Variants in VCL observed in about 807,000 individuals in gnomAD.
VCL encodes the protein epididymis luminal protein 114.
In VCL, 47 loss-of-function variants were observed where a neutral mutation model predicts 125.7. That is an observed-to-expected ratio of 0.37 (90% CI 0.30 to 0.48). The LOEUF (loss-of-function observed/expected upper bound fraction) is 0.48. VCL is among the 20% of genes least tolerant of loss of function. The pLI is 0.99. For synonymous variants in VCL, 458 were observed against 514.6 expected (o/e 0.89, Z 1.49); for missense variants, 1,069 against 1,455.5 (o/e 0.73, Z 4.32).
chr10:74,077,969 A>G (rs1839618368), intron 6 of VCL, among the ~76,000 whole-genome samples: 1 of 152,212 alleles, frequency 6.6e-6, no homozygotes, highest in Admixed American at 6.5e-5. Context: ...ATTAAAAATT[A>G]GGTTAGCATT....
chr10:74,113,819 T>C (rs1329727703), intron 19 of VCL, among the ~76,000 whole-genome samples: 1 of 152,192 alleles, frequency 6.6e-6, no homozygotes, highest in African/African-American at 2.4e-5. Flanking sequence ...ATTGATATGA[T>C]TAACCTGGAG....
At chr10:74,001,099 G>T (rs1030618319) in intron 1 of VCL, among the ~76,000 whole-genome samples, 1 of 152,170 alleles carries the variant, frequency 6.6e-6, no homozygotes, top group Non-Finnish European at 1.5e-5. Flanking sequence ...TATCCAAAAG[G>T]ATGAACAAAG....
In VCL at chr10:74,090,111, G is replaced by A; in HGVS notation, c.1265G>A (p.Cys422Tyr). The A allele has an allele frequency of 6.2e-7, 1 of 1,614,210 alleles. No homozygotes were observed. The highest frequency in any genetic ancestry group is 1.1e-5 in the South Asian group (1 of 91,084). Residue 422 changes from cysteine (C) to tyrosine (Y), a missense_variant, in exon 10 of 22, where the codon TGT becomes TAT. By Grantham distance (194) the Cys-to-Tyr change is radical. This residue lies in a region of VCL where 760 missense variants were observed against 928.9 expected (regional missense o/e 0.82). Transcript: ENST00000211998. ...GAAGCTCGGAAAATAGCAGAATTAT[G>A]TGATGATCCTAAAGAAAGAGATGAC... ...LAEARKIAEL[C>Y]DDPKERDDIL... is the part of the protein sequence containing the mutation.
chr10:74,072,032 G>A (rs1443989907), intron 4 of VCL, among the ~76,000 whole-genome samples: 1 of 152,132 alleles, frequency 6.6e-6, no homozygotes, highest in East Asian at 1.9e-4. Context: ...CTTCTCTTTG[G>A]TCTTGATGGT....
intron 9 of VCL, 22 bp from the exon 10 acceptor site, chr10:74,090,001 G>A: frequency 6.2e-7 from 1 of 1,614,100 alleles, no homozygotes; most frequent in Non-Finnish European, 8.5e-7. Flanking sequence ...ACAGCGTGCT[G>A]CTTCTCCGTT....
chr10:74,087,796 T>C (rs1229636306), intron 8 of VCL, among the ~76,000 whole-genome samples: 1 of 151,846 alleles, frequency 6.6e-6, no homozygotes, highest in East Asian at 2.0e-4. Flanking sequence ...GCCAACAGTG[T>C]GAAACCCCGT....
At chr10:74,006,399 A>G (rs1236017027) in intron 1 of VCL, among the ~76,000 whole-genome samples, 4 of 152,242 alleles carry the variant, frequency 2.6e-5, no homozygotes, top group Non-Finnish European at 5.9e-5. Flanking sequence ...TAAGAGGGCA[A>G]AAGTCCTCTG....
intron 1 of VCL, among the ~76,000 whole-genome samples, chr10:74,004,895 A>G (rs1840293084): frequency 6.6e-6 from 1 of 151,990 alleles, no homozygotes; most frequent in Non-Finnish European, 1.5e-5. Context: ...AGTGGACACT[A>G]GGTTTCACCA....
At chr10:74,047,249 A>T (rs188795340) in intron 2 of VCL, among the ~76,000 whole-genome samples, 20 of 152,330 alleles carry the variant, frequency 1.3e-4, no homozygotes, top group Admixed American at 1.3e-3. Context: ...GTGAGCTGTC[A>T]TTATGCCACT....
intron 14 of VCL, among the ~76,000 whole-genome samples, chr10:74,101,831 A>T (rs1840062579): frequency 6.7e-6 from 1 of 149,724 alleles, no homozygotes; most frequent in Admixed American, 6.6e-5. Context: ...CTTGCCACAT[A>T]CACACATAAC....
chr10:74,030,360 T>C (rs1024411934), intron 1 of VCL, among the ~76,000 whole-genome samples: 3 of 152,246 alleles, frequency 2.0e-5, no homozygotes, highest in African/African-American at 7.2e-5. Flanking sequence ...ACTGTGCAGG[T>C]CAAACAAAAT....
intron 2 of VCL, among the ~76,000 whole-genome samples, chr10:74,056,518 C>G (rs561629479): frequency 6.6e-6 from 1 of 152,204 alleles, no homozygotes; most frequent in South Asian, 2.1e-4. Flanking sequence ...GAAAGGAATA[C>G]TTTGTGGATG....
intron 6 of VCL, among the ~76,000 whole-genome samples, chr10:74,078,170 C>A (rs975596127): frequency 6.6e-6 from 1 of 151,882 alleles, no homozygotes; most frequent in Non-Finnish European, 1.5e-5. Flanking sequence ...GACTTTGAAC[C>A]CTACATAGGC....
At chr10:74,084,849 TG>T (rs1264964707) in intron 8 of VCL, among the ~76,000 whole-genome samples, 1 of 152,054 alleles carries the variant, frequency 6.6e-6, no homozygotes, top group Non-Finnish European at 1.5e-5. Flanking sequence ...CGGCCTCAGG[TG>T]ATCCACCTGC....
In VCL at chr10:74,097,412, A is replaced by T; in HGVS notation, c.1872+80A>T. 1 of 1,579,146 alleles carries T rather than the reference A, an allele frequency of 6.3e-7. No individual in the cohort carries two copies. The highest frequency in any genetic ancestry group is 8.6e-7 in the Non-Finnish European group (1 of 1,164,098). On this transcript the variant is annotated intron_variant, in intron 13 of 21. Coordinates refer to ENST00000211998, the MANE Select transcript of VCL (RefSeq NM_014000.3). This position sits in a 1 kb window ranked among gnomAD's most constrained non-coding sequence, Gnocchi z 4.1. ...AAGGTGAAATGTGATTACAGTGGAC[A>T]TCAGGATCAGTGGTTGGGAAACTGT...
At chr10:74,106,302 A>G (rs896552680) in intron 16 of VCL, among the ~76,000 whole-genome samples, 3 of 152,190 alleles carry the variant, frequency 2.0e-5, no homozygotes, top group African/African-American at 7.2e-5. Context: ...TAACCAATTT[A>G]CCATCCATTT....
intron 17 of VCL, among the ~76,000 whole-genome samples, chr10:74,107,631 G>T (rs1348170634): frequency 6.6e-6 from 1 of 152,084 alleles, no homozygotes; most frequent in Non-Finnish European, 1.5e-5. Flanking sequence ...GCTGGCTTTG[G>T]TAAGTGTGGA....
intron 2 of VCL, among the ~76,000 whole-genome samples, chr10:74,051,348 C>T (rs771493752): frequency 1.6e-4 from 24 of 151,662 alleles, no homozygotes; most frequent in Non-Finnish European, 2.4e-4. Flanking sequence ...GCAATTCTCC[C>T]GCCTCAGCTT....
Position 74,018,164 on chromosome 10 carries a change from A to G in VCL, c.168+19789A>G, listed in dbSNP as rs867734408. Among the ~76,000 whole-genome samples, 11 of 133,830 alleles carry G rather than the reference A, an allele frequency of 8.2e-5. 1 individual carries two copies. The South Asian group carries it at 2.1e-3, about 25-fold the overall frequency. The allele number at this position is 133,830 out of a possible 152,430, so 87.8% of individuals were successfully genotyped here. On this transcript the variant is annotated intron_variant, in intron 1 of 21. Coordinates refer to ENST00000211998, the MANE Select transcript of VCL (RefSeq NM_014000.3). ...AGAAAAAAAAATCTGGTAAAATGTG[A>G]GGATATATATAGGATATATATATAT...
Sources: allele counts gnomAD v4.1 joint callset (sites outside exome capture counted in the v4.1 genomes callset), GRCh38; gene constraint gnomAD v4.1.1; regional missense constraint gnomAD v4.1.1; non-coding constraint Gnocchi (gnomAD v3.1); transcripts MANE v1.5; gene names NCBI Gene and HGNC (gene_info 2026-07-23, HGNC 2026-07-21).